FDFT1: variants seen among roughly 807,000 people sequenced by gnomAD.
FDFT1 encodes the protein farnesyl-diphosphate farnesyltransferase 1.
A neutral mutation model predicts 46.8 loss-of-function variants in FDFT1; 68 were observed. That is an observed-to-expected ratio of 1.45 (90% CI 1.19 to 1.78). FDFT1 has a LOEUF of 1.78. FDFT1 is among the 40% of genes most tolerant of loss of function. The pLI, the probability that FDFT1 is intolerant of heterozygous loss-of-function variation, is 0.00. For missense variants in FDFT1, 928 were observed against 524.4 expected (o/e 1.77, Z -7.52); for synonymous variants, 351 against 185.1 (o/e 1.90, Z -7.28).
rs147903633 is a variant in FDFT1 at position 11,813,268 on chromosome 8, A to G, written c.381+3418A>G. Among the ~76,000 whole-genome samples the G allele has an allele frequency of 1.5e-3, 235 of 152,372 alleles. 2 individuals carry two copies. The highest frequency in any genetic ancestry group is 5.5e-3 in the African/African-American group (228 of 41,594). On this transcript the variant is annotated intron_variant, in intron 3 of 7. Coordinates refer to ENST00000220584, the MANE Select transcript of FDFT1 (RefSeq NM_004462.5). ...GTACTAGTGGAAAGCTAGAAGGCTT[A>G]GAAGTCTACCTGTAAACATAGCTTA...
upstream of FDFT1, chr8:11,797,836 T>A (rs1199600915): frequency 2.6e-5 from 4 of 152,250 alleles, no homozygotes; most frequent in Non-Finnish European, 5.9e-5. Flanking sequence ...CAAGGCCGGA[T>A]GTGAAGTACT....
chr8:11,801,387 T>C (rs1020678022), upstream of FDFT1, among the ~76,000 whole-genome samples: 14 of 152,228 alleles, frequency 9.2e-5, no homozygotes, highest in Admixed American at 5.2e-4. Flanking sequence ...TAGCGCGATC[T>C]CAGCTCACTG....
intron 7 of FDFT1, among the ~76,000 whole-genome samples, chr8:11,832,878 C>G (rs531214144): frequency 3.3e-5 from 5 of 152,296 alleles, no homozygotes; most frequent in South Asian, 2.1e-4. Context: ...GAGGTTACCT[C>G]TGTTCATGGT....
At chr8:11,838,334 C>G (rs1329205280) in intron 7 of FDFT1, 54 bp from the exon 8 acceptor site, 1 of 1,375,090 alleles carries the variant, frequency 7.3e-7, no homozygotes, top group Non-Finnish European at 1.0e-6. Flanking sequence ...TGTAAGTAGC[C>G]ATGGAAAATG....
At chr8:11,822,373 A>C (rs1024432787) in intron 4 of FDFT1, among the ~76,000 whole-genome samples, 2 of 152,360 alleles carry the variant, frequency 1.3e-5, no homozygotes, top group African/African-American at 4.8e-5. Context: ...AGATGCTGCT[A>C]CATGGTCACT....
upstream of FDFT1, chr8:11,802,509 C>T (rs753789983): frequency 5.9e-6 from 3 of 511,072 alleles, no homozygotes; most frequent in South Asian, 4.6e-5. Context: ...TCCCGCTCGT[C>T]GGCCTCTTTC....
rs556051417 is a variant in FDFT1 at position 11,809,849 on chromosome 8, C to T, written c.380C>T (p.Thr127Met). 1.5e-5 allele frequency: 24 copies of T among 1,610,612 alleles called. No homozygotes were observed. The highest frequency in any genetic ancestry group is 3.3e-4 in the Middle Eastern group (2 of 6,034). ...KDRQVLEDFP[T>M]ISLEFRNLAE... ...CGCCAGGTGCTGGAGGACTTCCCAA[C>T]GGTGAGTGGGGTTACGCATCTTGTC... Residue 127 changes from threonine (T) to methionine (M), a missense_variant and splice_region_variant, in exon 3 of 8, where the codon ACG becomes ATG. Transcript: ENST00000220584.
intron 3 of FDFT1, among the ~76,000 whole-genome samples, chr8:11,819,904 G>C (rs573811179): frequency 1.3e-5 from 2 of 152,120 alleles, no homozygotes; most frequent in East Asian, 3.9e-4. Flanking sequence ...GAGGAGTTAC[G>C]TTCCTTTGGA....
chr8:11,812,980 A>C (rs1807944672), intron 3 of FDFT1, among the ~76,000 whole-genome samples: 1 of 152,228 alleles, frequency 6.6e-6, no homozygotes, highest in Non-Finnish European at 1.5e-5. Flanking sequence ...GAGTGTACTT[A>C]CACATACCAA....
chr8:11,827,064 C>G (rs576952224), intron 5 of FDFT1, among the ~76,000 whole-genome samples: 1 of 152,166 alleles, frequency 6.6e-6, no homozygotes, highest in Non-Finnish European at 1.5e-5. Flanking sequence ...GCTTTTGATA[C>G]TGATTTTGTT....
At chr8:11,822,605 G>A (rs1459421171) in intron 4 of FDFT1, among the ~76,000 whole-genome samples, 1 of 152,100 alleles carries the variant, frequency 6.6e-6, no homozygotes, top group African/African-American at 2.4e-5. Flanking sequence ...TTTGAGCCCA[G>A]GAGTTAGACA....
intron 3 of FDFT1, among the ~76,000 whole-genome samples, chr8:11,815,450 C>G (rs889207169): frequency 2.6e-5 from 4 of 152,320 alleles, no homozygotes; most frequent in African/African-American, 9.6e-5. Context: ...ACCATACTGT[C>G]TTCCACAATG....
intron 7 of FDFT1, among the ~76,000 whole-genome samples, chr8:11,836,591 T>G (rs1811565584): frequency 6.6e-6 from 1 of 152,274 alleles, no homozygotes; most frequent in Non-Finnish European, 1.5e-5. Context: ...TCCACTCGTT[T>G]CCAAATAAAT....
intron 3 of FDFT1, among the ~76,000 whole-genome samples, chr8:11,813,490 AC>A (rs1343508799): frequency 1.3e-5 from 2 of 152,230 alleles, no homozygotes; most frequent in African/African-American, 4.8e-5. Context: ...AGATGAGGAA[AC>A]TGAGGCACAG....
rs977059824 is a variant in FDFT1, at chr8:11,839,186, G to A, written c.*577G>A. ...TATTCTCGTATTCTCATTTAAAGGA[G>A]TTTAGCTTTCAGAGAGAAACAGCAG... On this transcript the variant is annotated 3_prime_UTR_variant, in exon 8 of 8. Transcript: ENST00000220584. The A allele has an allele frequency of 9.1e-5, 14 of 153,650 alleles. No individual in the cohort carries two copies. Among genetic ancestry groups the A allele is most frequent in the African/African-American group, 1.9e-4 (8 of 41,580 alleles). The allele number at this position is 153,650 out of a possible 1,614,324, so 9.5% of individuals were successfully genotyped here. A position where few individuals can be genotyped will look rare whatever the true frequency, so the allele number is the denominator to read the frequency against.
At chr8:11,832,551 C>CAAAAAAAAGAAAAAAAAAA (rs1810950494) in intron 7 of FDFT1, among the ~76,000 whole-genome samples, 1 of 36,358 alleles carries the variant, frequency 2.8e-5, no homozygotes, top group Non-Finnish European at 5.5e-5. Context: ...GACTTTGTCT[C>CAAAAAAAAGAAAAAAAAAA]AAAAAAAAAA....
chr8:11,803,450 G>A (rs1806406031), intron 1 of FDFT1: 11 of 1,280,154 alleles, frequency 8.6e-6, no homozygotes, highest in Non-Finnish European at 1.0e-5. Context: ...TTTTAAAATC[G>A]CCTATCTACG....
chr8:11,838,523 G>A lies in FDFT1; in HGVS notation c.1168G>A (p.Val390Ile), dbSNP rs754341871. ...CTACTCCCCCATCTACCTGTCGTTT[G>A]TCATGCTTTTGGCTGCCCTGAGCTG... is the stretch of plus-strand genomic sequence containing the variant. ...SHYSPIYLSF[V>I]MLLAALSWQY... is the part of the protein sequence containing the mutation. The change falls in exon 8 of 8, where the codon GTC becomes ATC. Residue 390 changes from valine to isoleucine, a missense_variant. Val to Ile is a conservative substitution (Grantham distance 29). Coordinates refer to ENST00000220584, the MANE Select transcript of FDFT1 (RefSeq NM_004462.5). 5.0e-5 allele frequency: 80 copies of A among 1,609,418 alleles called. No individual in the cohort carries two copies. The highest frequency in any genetic ancestry group is 6.6e-5 in the Non-Finnish European group (78 of 1,177,506).
At chr8:11,819,193 A>T (rs6601611) in intron 3 of FDFT1, among the ~76,000 whole-genome samples, 69,779 of 152,106 alleles carry the variant, frequency 0.46, 17,244 homozygotes, top group East Asian at 0.77. Flanking sequence ...TCTTCTGGCT[A>T]GTAGGGTTTC....
Sources: gnomAD v4.1 joint callset for allele counts (sites outside exome capture counted in the v4.1 genomes callset) on GRCh38, gnomAD v4.1.1 for gene constraint, MANE v1.5 for transcripts, NCBI Gene and HGNC (gene_info 2026-07-23, HGNC 2026-07-21) for gene names.